The following RARB variants were observed in gnomAD, a reference collection of about 807,000 sequenced individuals.
RARB encodes the protein retinoic acid receptor beta, also known as HBV-activated protein.
In RARB, 17 loss-of-function variants were observed where a neutral mutation model predicts 51.9. The observed-to-expected ratio is 0.33, with a 90% CI of 0.22 to 0.49. RARB has a LOEUF of 0.49. Ranked by LOEUF, RARB falls within the 20% of genes least tolerant of loss-of-function variation. The pLI, the probability that RARB is intolerant of heterozygous loss-of-function variation, is 0.99. For synonymous variants in RARB, 215 were observed against 195.4 expected (o/e 1.10, Z -0.84); for missense variants, 369 against 550.8 (o/e 0.67, Z 3.30).
In RARB at chr3:25,332,551, G is replaced by A. The variant is rs184838538; in HGVS notation, c.179-128642G>A. ...CAAAATAATAAGAGCCATTTATGACGAACCCACAGCCAATATCATACTGAA... is the reference window on the plus strand; with the variant it reads ...CAAAATAATAAGAGCCATTTATGACAAACCCACAGCCAATATCATACTGAA... On this transcript the variant is annotated intron_variant, in intron 5 of 11. Coordinates refer to the RARB transcript ENST00000383772. 1.8e-3 allele frequency among the ~76,000 whole-genome samples: 271 copies of A among 152,096 alleles called. 4 individuals are homozygous for A. Among genetic ancestry groups the A allele is most frequent in the Admixed American group, 0.013 (197 of 15,284 alleles).
intron 5 of RARB, among the ~76,000 whole-genome samples, chr3:25,217,499 C>T (rs187566588): frequency 5.3e-5 from 8 of 152,016 alleles, no homozygotes; most frequent in Non-Finnish European, 1.0e-4. Context: ...TACTCCCACC[C>T]CCCCCAATTC....
chr3:25,592,649 A>G (rs1701655392), intron 5 of RARB, among the ~76,000 whole-genome samples: 2 of 152,224 alleles, frequency 1.3e-5, no homozygotes, highest in African/African-American at 4.8e-5. Flanking sequence ...CTTAGTAGCT[A>G]GCGCCCCAGG....
intron 2 of RARB, among the ~76,000 whole-genome samples, chr3:25,497,506 C>T (rs528889813): frequency 6.6e-6 from 1 of 152,298 alleles, no homozygotes; most frequent in South Asian, 2.1e-4. Flanking sequence ...TCTAGGTACC[C>T]AACTCATCAC....
At chr3:25,057,367 G>C (rs978526388) in intron 2 of RARB, among the ~76,000 whole-genome samples, 1 of 152,054 alleles carries the variant, frequency 6.6e-6, no homozygotes, top group Non-Finnish European at 1.5e-5. Context: ...GAGAATAAGA[G>C]TTGGGTTTCA....
intron 3 of RARB, among the ~76,000 whole-genome samples, chr3:25,565,918 G>GT (rs769751267): frequency 3.9e-5 from 6 of 152,168 alleles, no homozygotes; most frequent in Non-Finnish European, 8.8e-5. Flanking sequence ...ACCCCAGGTG[G>GT]TAAGTGGTGG....
At chr3:25,036,282 G>C (rs1408028364) in intron 2 of RARB, among the ~76,000 whole-genome samples, 1 of 152,126 alleles carries the variant, frequency 6.6e-6, no homozygotes, top group Non-Finnish European at 1.5e-5. Context: ...CTGAGGGTCA[G>C]AGCTGTTATG....
chr3:24,958,027 T>C (rs571014754), intron 2 of RARB, among the ~76,000 whole-genome samples: 2 of 152,302 alleles, frequency 1.3e-5, no homozygotes, highest in South Asian at 4.1e-4. Context: ...TTGGTGACTG[T>C]GTTTAACAAC....
chr3:24,967,723 T>C (rs891701993), intron 2 of RARB, among the ~76,000 whole-genome samples: 1 of 152,188 alleles, frequency 6.6e-6, no homozygotes, highest in Non-Finnish European at 1.5e-5. Flanking sequence ...ATTAATAATT[T>C]GGATTCATCA....
At chr3:24,852,875 T>C (rs556739103) in intron 1 of RARB, among the ~76,000 whole-genome samples, 1 of 152,250 alleles carries the variant, frequency 6.6e-6, no homozygotes, top group African/African-American at 2.4e-5. Context: ...GGGTTATTTT[T>C]TGGGGGGTTG....
At chr3:24,975,651 T>G (rs1250671051) in intron 2 of RARB, among the ~76,000 whole-genome samples, 1 of 152,202 alleles carries the variant, frequency 6.6e-6, no homozygotes, top group Non-Finnish European at 1.5e-5. Context: ...AATGCAATAA[T>G]TTTTAAACAG....
At chr3:25,001,662 C>G (rs941548498) in intron 2 of RARB, among the ~76,000 whole-genome samples, 1 of 152,196 alleles carries the variant, frequency 6.6e-6, no homozygotes, top group Non-Finnish European at 1.5e-5. Context: ...GATAAGAAAT[C>G]AATTCAAAAT....
At chr3:25,299,419 C>CA (rs1325626855) in intron 5 of RARB, among the ~76,000 whole-genome samples, 2 of 152,064 alleles carry the variant, frequency 1.3e-5, no homozygotes, top group African/African-American at 4.8e-5. Context: ...AGGCTGGTCT[C>CA]AAACTCTTGC....
At chr3:24,863,847 C>T (rs1702800051) in intron 2 of RARB, among the ~76,000 whole-genome samples, 1 of 151,992 alleles carries the variant, frequency 6.6e-6, no homozygotes, top group Admixed American at 6.6e-5. Flanking sequence ...ACTTCTTGCC[C>T]ACCCAGAAAC....
At chr3:25,566,627 T>C (rs544132203) in intron 3 of RARB, among the ~76,000 whole-genome samples, 63 of 152,218 alleles carry the variant, frequency 4.1e-4, no homozygotes, top group African/African-American at 1.4e-3. Flanking sequence ...TCTTGCTTGG[T>C]TCAGTTACTT....
intron 2 of RARB, among the ~76,000 whole-genome samples, chr3:25,017,969 A>T (rs1315871354): frequency 6.6e-6 from 1 of 152,174 alleles, no homozygotes. Context: ...AAGGCTGTCT[A>T]TGAGAAAGCA....
chr3:25,380,042 G>A (rs751938147), intron 5 of RARB, among the ~76,000 whole-genome samples: 6 of 152,268 alleles, frequency 3.9e-5, no homozygotes, highest in Non-Finnish European at 8.8e-5. Context: ...ATAAGAACTC[G>A]TTTTGAGGGA....
At chr3:25,501,945 G>A (rs1053614947) in intron 3 of RARB, among the ~76,000 whole-genome samples, 14 of 152,274 alleles carry the variant, frequency 9.2e-5, no homozygotes, top group Middle Eastern at 3.4e-3. Flanking sequence ...GAAATATACC[G>A]GCTTTAGTAT....
chr3:25,485,088 A>G (rs1286761802), intron 2 of RARB, among the ~76,000 whole-genome samples: 1 of 152,240 alleles, frequency 6.6e-6, no homozygotes, highest in Admixed American at 6.5e-5. Flanking sequence ...ATAAAAGTAA[A>G]AATTATTTTC....
chr3:24,934,999 A>T (rs1424596588), intron 2 of RARB, among the ~76,000 whole-genome samples: 2 of 152,152 alleles, frequency 1.3e-5, no homozygotes, highest in African/African-American at 4.8e-5. Context: ...AACGAACCCT[A>T]TCATGTGGTA....
Sources: allele counts gnomAD v4.1 joint callset (sites outside exome capture counted in the v4.1 genomes callset), GRCh38; gene constraint gnomAD v4.1.1; transcripts MANE v1.5; gene names NCBI Gene and HGNC (gene_info 2026-07-23, HGNC 2026-07-21).